DCAF10: variants seen among roughly 807,000 people sequenced by gnomAD.
DCAF10 encodes the protein DDB1- and CUL4-associated factor 10.
A neutral mutation model predicts 51.9 loss-of-function variants in DCAF10; 19 were observed. The observed-to-expected ratio is 0.37, with a 90% CI of 0.26 to 0.54. The LOEUF is 0.54. Ranked by LOEUF, DCAF10 falls within the 20% of genes least tolerant of loss-of-function variation. The pLI is 0.87. For synonymous variants in DCAF10, 291 were observed against 297.1 expected, an observed-to-expected ratio of 0.98 and a Z score of 0.21; for missense variants, 510 against 730.6, an observed-to-expected ratio of 0.70 and a Z score of 3.48.
At chr9:37,817,466 C>T (rs1248937921) in intron 1 of DCAF10, among the ~76,000 whole-genome samples, 1 of 152,012 alleles carries the variant, frequency 6.6e-6, no homozygotes, top group Non-Finnish European at 1.5e-5. Flanking sequence ...GGTGTGGTGG[C>T]GGGTGCCTGT....
chr9:37,840,828 A>C (rs1830313380), intron 2 of DCAF10, among the ~76,000 whole-genome samples: 2 of 152,196 alleles, frequency 1.3e-5, no homozygotes, highest in Admixed American at 1.3e-4. Flanking sequence ...TAAGTGCCCT[A>C]TACAGGCGTA....
intron 1 of DCAF10, among the ~76,000 whole-genome samples, chr9:37,807,828 A>C (rs923040094): frequency 2.0e-5 from 3 of 151,826 alleles, no homozygotes; most frequent in Admixed American, 6.6e-5. Flanking sequence ...ACGCTCGGCT[A>C]ATTTTGTATT....
At chr9:37,835,568 A>G (rs1194448939) in intron 2 of DCAF10, among the ~76,000 whole-genome samples, 1 of 150,796 alleles carries the variant, frequency 6.6e-6, no homozygotes, top group African/African-American at 2.4e-5. Context: ...ACAGAGTGAG[A>G]CTCCGTCCAA....
chr9:37,861,407 C>G lies in DCAF10; in HGVS notation c.1579C>G (p.His527Asp). The G allele has an allele frequency of 6.2e-7, 1 of 1,614,230 alleles. No homozygotes were observed. Among genetic ancestry groups the G allele is most frequent in the Non-Finnish European group, 8.5e-7 (1 of 1,180,046 alleles). The change falls in exon 7 of 7, where the codon CAT becomes GAT. Residue 527 changes from histidine to aspartate, a missense_variant. By Grantham distance (81) the His-to-Asp change is moderately conservative (BLOSUM62 -1). Coordinates refer to ENST00000377724, the MANE Select transcript of DCAF10 (RefSeq NM_024345.5). This position sits in a 1 kb window ranked among gnomAD's most constrained non-coding sequence, Gnocchi z 4.9. Reference protein sequence around the residue: ...PLRVIRSLYSHNDVVLTTKFS... With the variant: ...PLRVIRSLYSDNDVVLTTKFS... ...GCGGGTGATCCGTTCTCTGTACTCT[C>G]ATAATGATGTGGTACTGACAACAAA...
At chr9:37,821,173 A>G (rs1010983747) in intron 2 of DCAF10, among the ~76,000 whole-genome samples, 15 of 152,102 alleles carry the variant, frequency 9.9e-5, no homozygotes, top group African/African-American at 3.6e-4. Flanking sequence ...ATTATTATTT[A>G]CCTTGCCTTT....
chr9:37,861,632 TC>T lies in DCAF10; in HGVS notation c.*126del. 2 of 1,369,086 alleles carry T rather than the reference TC, an allele frequency of 1.5e-6. No homozygotes were observed. The highest frequency in any genetic ancestry group is 2.0e-6 in the Non-Finnish European group (2 of 1,020,830). The allele number at this position is 1,369,086 out of a possible 1,614,324, so 84.8% of individuals were successfully genotyped here. The stretch of plus-strand genomic sequence containing the variant: ...GGGTCAAGATCCTGGTTCTTATGGG[TC>T]CATGAACACACTTGTGACCTTAGTA... On this transcript the variant is annotated 3_prime_UTR_variant, in exon 7 of 7. Coordinates refer to ENST00000377724, the MANE Select transcript of DCAF10 (RefSeq NM_024345.5). The surrounding 1 kb of genome is among the most constrained non-coding windows in gnomAD (Gnocchi z 4.9).
chr9:37,818,481 TAATC>T (rs146962242), intron 1 of DCAF10, among the ~76,000 whole-genome samples: 1,930 of 152,256 alleles, frequency 0.013, 41 homozygotes, highest in African/African-American at 0.044. Flanking sequence ...AACTTATACT[TAATC>T]AAAATAAATA....
At chr9:37,838,539 A>C (rs1028634811) in intron 2 of DCAF10, among the ~76,000 whole-genome samples, 1 of 152,190 alleles carries the variant, frequency 6.6e-6, no homozygotes, top group African/African-American at 2.4e-5. Context: ...TGCTCATCTT[A>C]GTGTTTTTTA....
intron 3 of DCAF10, among the ~76,000 whole-genome samples, chr9:37,845,846 C>T (rs777199318): frequency 2.0e-5 from 3 of 152,232 alleles, no homozygotes; most frequent in East Asian, 1.9e-4. Context: ...ACCTCTGCCA[C>T]AGCCATTAAA....
intron 3 of DCAF10, among the ~76,000 whole-genome samples, chr9:37,854,383 C>T (rs887401473): frequency 6.6e-6 from 1 of 152,190 alleles, no homozygotes; most frequent in Non-Finnish European, 1.5e-5. Context: ...GCTGGGGTTA[C>T]AGGCATGAGC....
intron 3 of DCAF10, among the ~76,000 whole-genome samples, chr9:37,842,516 T>G (rs1177422098): frequency 1.3e-5 from 2 of 152,208 alleles, no homozygotes; most frequent in African/African-American, 4.8e-5. Flanking sequence ...TGATGAAAAC[T>G]GGCTTATAAA....
chr9:37,840,898 A>G (rs1830315733), intron 2 of DCAF10, among the ~76,000 whole-genome samples: 2 of 152,170 alleles, frequency 1.3e-5, no homozygotes. Flanking sequence ...CAATATACAA[A>G]TACTTACGAT....
chr9:37,834,375 A>AT (rs1830091545), intron 2 of DCAF10, among the ~76,000 whole-genome samples: 1 of 152,228 alleles, frequency 6.6e-6, no homozygotes, highest in Non-Finnish European at 1.5e-5. Flanking sequence ...ATTCAAAACT[A>AT]TTAGCTTTTA....
chr9:37,830,984 A>T (rs1250161292), intron 2 of DCAF10, among the ~76,000 whole-genome samples: 1 of 152,188 alleles, frequency 6.6e-6, no homozygotes, highest in East Asian at 1.9e-4. Flanking sequence ...GCACTTTGGG[A>T]GGCTGAGGTG....
At chr9:37,841,428 T>TAAATA (rs1455896960) in intron 2 of DCAF10, among the ~76,000 whole-genome samples, 1 of 152,206 alleles carries the variant, frequency 6.6e-6, no homozygotes, top group Non-Finnish European at 1.5e-5. Flanking sequence ...GTATTTGTAT[T>TAAATA]AAATATATTC....
chr9:37,846,814 T>C (rs974110846), intron 3 of DCAF10, among the ~76,000 whole-genome samples: 1 of 152,176 alleles, frequency 6.6e-6, no homozygotes, highest in African/African-American at 2.4e-5. Context: ...ATGGCTTCAC[T>C]GATTAATTCT....
At position 37,839,247 on chromosome 9, in the gene DCAF10, A is replaced by G. The variant is rs189340429; in HGVS notation, c.654-2842A>G. Among the ~76,000 whole-genome samples the G allele has an allele frequency of 2.0e-3, 303 of 151,872 alleles. 2 individuals are homozygous for G. Among genetic ancestry groups the G allele is most frequent in the African/African-American group, 7.0e-3 (291 of 41,408 alleles). ...CTAATTTTTTTTGTATTTTTAGTAG[A>G]GACAGGGTTTCACCATCTCGGCCAG... On this transcript the variant is annotated intron_variant, in intron 2 of 6. Transcript: ENST00000377724.
At chr9:37,815,490 C>T in intron 1 of DCAF10, among the ~76,000 whole-genome samples, 1 of 152,024 alleles carries the variant, frequency 6.6e-6, no homozygotes, top group African/African-American at 2.4e-5. Flanking sequence ...ACTAATAATA[C>T]AAAAATTAGC....
At chr9:37,820,584 T>C (rs1308741780) in intron 2 of DCAF10, among the ~76,000 whole-genome samples, 1 of 152,186 alleles carries the variant, frequency 6.6e-6, no homozygotes, top group African/African-American at 2.4e-5. Context: ...TGAAGCCACT[T>C]GCTGAGTCAG....
Sources: allele counts gnomAD v4.1 joint callset (sites outside exome capture counted in the v4.1 genomes callset), GRCh38; gene constraint gnomAD v4.1.1; non-coding constraint Gnocchi (gnomAD v3.1); transcripts MANE v1.5; gene names NCBI Gene and HGNC (gene_info 2026-07-23, HGNC 2026-07-21).